Variants in STAM observed in about 807,000 individuals in gnomAD.
STAM encodes signal transducing adaptor molecule, also known as signal transducing adapter molecule 1.
In STAM, 16 loss-of-function variants were observed where a neutral mutation model predicts 63.4. The ratio of observed to expected loss-of-function variants is 0.25; its 90% CI spans 0.17 to 0.38. The LOEUF (loss-of-function observed/expected upper bound fraction) is 0.38, where lower values mean the gene tolerates loss of function less well. Ranked by LOEUF, STAM falls within the 10% of genes least tolerant of loss-of-function variation. STAM has a pLI of 1.00. For missense variants in STAM, 636 were observed against 657.1 expected, an observed-to-expected ratio of 0.97 and a Z score of 0.35; for synonymous variants, 238 against 223.9, an observed-to-expected ratio of 1.06 and a Z score of -0.56.
At chr10:17,710,750 G>A (rs1239793255) in intron 13 of STAM, among the ~76,000 whole-genome samples, 2 of 152,110 alleles carry the variant, frequency 1.3e-5, no homozygotes, top group Non-Finnish European at 2.9e-5. Context: ...GTTTTACACT[G>A]GCTAGGAACT....
At position 17,716,805 on chromosome 10, in the gene STAM, A is replaced by T. The variant is rs1836834433; in HGVS notation, c.*2025A>T. On this transcript the variant is annotated 3_prime_UTR_variant, in exon 14 of 14. Transcript: ENST00000377524. ...TACATTACTAGCCTTATAAAGGTTTAAATGATGAGTACTTTAAAACTGTTA... is the reference window on the plus strand; with the variant it reads ...TACATTACTAGCCTTATAAAGGTTTTAATGATGAGTACTTTAAAACTGTTA... 6.6e-6 allele frequency among the ~76,000 whole-genome samples: 1 copy of T among 152,228 alleles called. No individual in the cohort carries two copies. The highest frequency in any genetic ancestry group is 2.4e-5 in the African/African-American group (1 of 41,454).
chr10:17,683,501 G>A (rs895581536), intron 2 of STAM, among the ~76,000 whole-genome samples: 1 of 152,000 alleles, frequency 6.6e-6, no homozygotes, highest in African/African-American at 2.4e-5. Flanking sequence ...ATTTGTAGTG[G>A]TGGCTCTGTG....
rs1223509007 is a variant in STAM, at chr10:17,659,463, CTTTTTTTTTT to C, written c.41-988_41-979del. 1.2e-4 allele frequency among the ~76,000 whole-genome samples: 13 copies of C among 107,524 alleles called. No individual in the cohort carries two copies. In the South Asian group the frequency reaches 2.8e-3, roughly 23 times the overall value. 70.5% of individuals were successfully genotyped at this position (107,524 alleles called of 152,430 possible). A position where few individuals can be genotyped will look rare whatever the true frequency, so the allele number is the denominator to read the frequency against. On this transcript the variant is annotated intron_variant, in intron 1 of 13. Transcript: ENST00000377524. Reference sequence around the variant, plus strand: ...GGTATTCCATCTTTATTCTCTTCCTCTTTTTTTTTTTTTTTTTTTTTTAAAGAGATAGGAT... The same window carrying C: ...GGTATTCCATCTTTATTCTCTTCCTCTTTTTTTTTTTTAAAGAGATAGGAT...
At chr10:17,698,340 G>A (rs1835848684) in intron 8 of STAM, among the ~76,000 whole-genome samples, 1 of 151,682 alleles carries the variant, frequency 6.6e-6, no homozygotes, top group Admixed American at 6.6e-5. Flanking sequence ...TCCTGAATCA[G>A]TTCCTGGAGA....
At chr10:17,707,425 T>C (rs1554829423) in intron 12 of STAM, among the ~76,000 whole-genome samples, 2 of 151,456 alleles carry the variant, frequency 1.3e-5, no homozygotes, top group Admixed American at 1.3e-4. Flanking sequence ...ATAATAATAA[T>C]AATAATAATA....
At chr10:17,692,548 C>G (rs986827126) in intron 5 of STAM, among the ~76,000 whole-genome samples, 2 of 152,142 alleles carry the variant, frequency 1.3e-5, no homozygotes, top group Non-Finnish European at 2.9e-5. Context: ...TTCTGATTTG[C>G]CTTGAATGCT....
In STAM at chr10:17,644,154, TGCTGTTGCCGCCGCCGCA is replaced by T; in HGVS notation, c.-181_-164del. 1 of 640,586 alleles carries T rather than the reference TGCTGTTGCCGCCGCCGCA, an allele frequency of 1.6e-6. No homozygotes were observed. Among genetic ancestry groups the T allele is most frequent in the Non-Finnish European group, 2.8e-6 (1 of 360,400 alleles). The allele number at this position is 640,586 out of a possible 1,614,324, so 39.7% of individuals were successfully genotyped here. ...CCGCGCGGGGGCTTCCTCGGCTCCT[TGCTGTTGCCGCCGCCGCA>T]GCTGCTGCCGCGGTTGGTGGGGTTG... On this transcript the variant is annotated 5_prime_UTR_variant, in exon 1 of 14. Transcript: ENST00000377524.
chr10:17,661,674 G>A (rs557861584), intron 2 of STAM, among the ~76,000 whole-genome samples: 1 of 152,016 alleles, frequency 6.6e-6, no homozygotes, highest in African/African-American at 2.4e-5. Flanking sequence ...TTCTTTCATT[G>A]CACTAAAACT....
intron 2 of STAM, among the ~76,000 whole-genome samples, chr10:17,660,778 A>G (rs898879476): frequency 3.9e-5 from 6 of 152,190 alleles, no homozygotes; most frequent in Non-Finnish European, 5.9e-5. Flanking sequence ...AAGAAGGATC[A>G]GGAGGTAAAG....
At chr10:17,713,072 TCTC>T (rs1368121198) in intron 13 of STAM, among the ~76,000 whole-genome samples, 1 of 152,140 alleles carries the variant, frequency 6.6e-6, no homozygotes, top group Non-Finnish European at 1.5e-5. Context: ...AGTTCACCAT[TCTC>T]CTCCTCCTCC....
At chr10:17,659,979 C>A (rs958283339) in intron 1 of STAM, among the ~76,000 whole-genome samples, 1 of 151,814 alleles carries the variant, frequency 6.6e-6, no homozygotes, top group Non-Finnish European at 1.5e-5. Context: ...CACTTAAATA[C>A]GTTTTTATTT....
At chr10:17,705,473 A>T in intron 11 of STAM, 115 bp from the exon 12 acceptor site, 1 of 1,209,366 alleles carries the variant, frequency 8.3e-7, no homozygotes, top group Non-Finnish European at 1.1e-6. Flanking sequence ...TGAAATTTTT[A>T]ATAATGTCTA....
chr10:17,644,181 C>A lies in STAM; in HGVS notation c.-159C>A, dbSNP rs1421405066. The A allele has an allele frequency of 1.1e-5, 8 of 726,574 alleles. No individual in the cohort carries two copies. The highest frequency in any genetic ancestry group is 8.9e-5 in the African/African-American group (5 of 55,968). The allele number at this position is 726,574 out of a possible 1,614,324, so 45.0% of individuals were successfully genotyped here. ...CTGTTGCCGCCGCCGCAGCTGCTGCCGCGGTTGGTGGGGTTGGGTGAGAGG... is the reference window on the plus strand; with the variant it reads ...CTGTTGCCGCCGCCGCAGCTGCTGCAGCGGTTGGTGGGGTTGGGTGAGAGG... On this transcript the variant is annotated 5_prime_UTR_variant, in exon 1 of 14. Coordinates refer to ENST00000377524, the MANE Select transcript of STAM (RefSeq NM_003473.4).
intron 1 of STAM, among the ~76,000 whole-genome samples, chr10:17,645,892 G>A (rs1407730718): frequency 2.0e-5 from 3 of 152,148 alleles, no homozygotes; most frequent in Non-Finnish European, 4.4e-5. Flanking sequence ...TCTGTTTACA[G>A]CACCTTTGTC....
At chr10:17,666,398 T>A (rs1554823385) in intron 2 of STAM, among the ~76,000 whole-genome samples, 1 of 122,926 alleles carries the variant, frequency 8.1e-6, no homozygotes, top group Admixed American at 8.9e-5. Flanking sequence ...TTTTTTTTTT[T>A]TTTTTTTTTT....
At position 17,668,640 on chromosome 10, in the gene STAM, C is replaced by T. The variant is rs139693425; in HGVS notation, c.125+8092C>T. On this transcript the variant is annotated intron_variant, in intron 2 of 13. Coordinates refer to ENST00000377524, the MANE Select transcript of STAM (RefSeq NM_003473.4). ...CATTCCTTTCCTTCCTCTCTTTGCA[C>T]TTTAAACAGCCACTGATCTTTTTAC... 3.9e-3 allele frequency among the ~76,000 whole-genome samples: 591 copies of T among 152,294 alleles called. 1 individual carries two copies. The highest frequency in any genetic ancestry group is 0.013 in the African/African-American group (558 of 41,560).
chr10:17,703,252 TAAAATG>T (rs1836097418), intron 9 of STAM, among the ~76,000 whole-genome samples: 1 of 151,832 alleles, frequency 6.6e-6, no homozygotes, highest in Admixed American at 6.6e-5. Context: ...TAAGACTGCT[TAAAATG>T]AAAATTGTGA....
chr10:17,702,377 T>G (rs149395422), intron 9 of STAM, among the ~76,000 whole-genome samples: 40 of 152,172 alleles, frequency 2.6e-4, no homozygotes, highest in Admixed American at 1.3e-4. Flanking sequence ...AAAAAAACAA[T>G]TTGAAATACA....
rs189922239 is a variant in STAM, at chr10:17,647,479, T to G, written c.40+3100T>G. Among the ~76,000 whole-genome samples, 14 of 152,264 alleles carry G rather than the reference T, an allele frequency of 9.2e-5. No homozygotes were observed. In the East Asian group the frequency reaches 2.7e-3, roughly 29 times the overall value. On this transcript the variant is annotated intron_variant, in intron 1 of 13. Coordinates refer to ENST00000377524, the MANE Select transcript of STAM (RefSeq NM_003473.4). ...AAAAGTTGAGTGCCCTGCGGCTCAG[T>G]TCCGGAGCCTCTTCTCTCCTTCCAC...
Sources: allele counts gnomAD v4.1 joint callset (sites outside exome capture counted in the v4.1 genomes callset), GRCh38; gene constraint gnomAD v4.1.1; transcripts MANE v1.5; gene names NCBI Gene and HGNC (gene_info 2026-07-23, HGNC 2026-07-21).